Variants in PRKCQ observed in about 807,000 individuals in gnomAD.
The protein encoded by PRKCQ is protein kinase C theta type.
PRKCQ carries 41 observed loss-of-function variants against 91.2 expected under a neutral mutation model. The ratio of observed to expected loss-of-function variants is 0.45; its 90% CI spans 0.35 to 0.58. The LOEUF is 0.58. Among genes scored for constraint, PRKCQ ranks in the 20% least tolerant of loss-of-function variants. PRKCQ has a pLI of 0.00. For synonymous variants in PRKCQ, 307 were observed against 316.9 expected (o/e 0.97, Z 0.33); for missense variants, 673 against 896.5 (o/e 0.75, Z 3.18).
chr10:6,489,638 G>A, intron 8 of PRKCQ: 2 of 375,250 alleles, frequency 5.3e-6, no homozygotes, highest in Non-Finnish European at 1.1e-5. Context: ...AGCGGAGCAG[G>A]CGGGGTGAGC....
chr10:6,445,962 G>A (rs1834265384), intron 15 of PRKCQ, among the ~76,000 whole-genome samples: 1 of 152,214 alleles, frequency 6.6e-6, no homozygotes, highest in Non-Finnish European at 1.5e-5. Context: ...AAATTTGGAA[G>A]GACAGGAGAC....
intron 4 of PRKCQ, 73 bp from the exon 5 acceptor site, chr10:6,498,631 G>T (rs926798347): frequency 2.7e-6 from 4 of 1,498,878 alleles, no homozygotes; most frequent in Non-Finnish European, 3.6e-6. Flanking sequence ...GGGTCAGGAG[G>T]GGAGGGAGAT....
chr10:6,424,450 G>A (rs937246883), downstream of PRKCQ, among the ~76,000 whole-genome samples: 14 of 152,154 alleles, frequency 9.2e-5, no homozygotes, highest in Non-Finnish European at 8.8e-5. Flanking sequence ...TCCGCAGTCC[G>A]ATGACCATGG....
chr10:6,431,311 C>T (rs886995651), intron 16 of PRKCQ, among the ~76,000 whole-genome samples: 3 of 152,218 alleles, frequency 2.0e-5, no homozygotes, highest in South Asian at 2.1e-4. Flanking sequence ...CACACAAACA[C>T]GCACATAGAC....
chr10:6,486,193 T>G, intron 8 of PRKCQ, 49 bp from the exon 9 acceptor site: 4 of 1,477,164 alleles, frequency 2.7e-6, no homozygotes, highest in Non-Finnish European at 3.8e-6. Context: ...AACCCCCTGG[T>G]GCTAAACAAC....
chr10:6,498,231 A>C (rs1305438440), intron 5 of PRKCQ, among the ~76,000 whole-genome samples, 165 bp downstream of exon 5: 1 of 151,550 alleles, frequency 6.6e-6, no homozygotes, highest in African/African-American at 2.4e-5. Flanking sequence ...CTTTTATTGG[A>C]TCACACCATT....
At chr10:6,395,157 G>A in the PRKCQ span, among the ~76,000 whole-genome samples, 1 of 142,512 alleles carries the variant, frequency 7.0e-6, no homozygotes, top group South Asian at 2.2e-4. Context: ...TCCGCCTCCC[G>A]GGTTCACGCC....
intron 14 of PRKCQ, among the ~76,000 whole-genome samples, chr10:6,461,622 T>C (rs1398379165): frequency 1.5e-4 from 23 of 152,202 alleles, no homozygotes; most frequent in Admixed American, 1.4e-3. Flanking sequence ...GGAGAGATCC[T>C]TCCTTGTTAA....
chr10:6,533,443 C>T (rs1431938819), intron 1 of PRKCQ, among the ~76,000 whole-genome samples: 6 of 152,072 alleles, frequency 3.9e-5, no homozygotes. Flanking sequence ...GTGATCCACC[C>T]GCCTCAGCCT....
chr10:6,575,328 C>A (rs1841189243), intron 1 of PRKCQ, among the ~76,000 whole-genome samples: 1 of 152,142 alleles, frequency 6.6e-6, no homozygotes, highest in Non-Finnish European at 1.5e-5. Flanking sequence ...ACTTGTCCTG[C>A]TCTGATAACA....
chr10:6,543,257 G>A (rs536438149), intron 1 of PRKCQ, among the ~76,000 whole-genome samples: 15 of 152,348 alleles, frequency 9.8e-5, no homozygotes, highest in African/African-American at 3.4e-4. Flanking sequence ...GGAAGAAAAA[G>A]TCACACAGGT....
At chr10:6,525,558 A>T (rs1281785584) in intron 1 of PRKCQ, among the ~76,000 whole-genome samples, 2 of 152,230 alleles carry the variant, frequency 1.3e-5, no homozygotes, top group African/African-American at 4.8e-5. Context: ...TCAGTTGTTC[A>T]GGCAACTGCC....
chr10:6,408,012 G>T, the PRKCQ span, among the ~76,000 whole-genome samples: 1 of 131,406 alleles, frequency 7.6e-6, no homozygotes, highest in South Asian at 2.4e-4. Context: ...CAAGTCTTTA[G>T]TCAGTTGTTC....
At chr10:6,563,203 G>C (rs527675545) in intron 1 of PRKCQ, among the ~76,000 whole-genome samples, 1 of 152,068 alleles carries the variant, frequency 6.6e-6, no homozygotes, top group African/African-American at 2.4e-5. Context: ...TAGGATTTCA[G>C]AGCGTAAGTC....
At chr10:6,505,471 C>CCT (rs1554775192) in intron 4 of PRKCQ, among the ~76,000 whole-genome samples, 4 of 146,680 alleles carry the variant, frequency 2.7e-5, no homozygotes, top group African/African-American at 1.0e-4. Flanking sequence ...GACCCTTTTT[C>CCT]TCCTTCCTTC....
chr10:6,472,450 G>T (rs1448359592), intron 12 of PRKCQ, among the ~76,000 whole-genome samples: 1 of 152,298 alleles, frequency 6.6e-6, no homozygotes, highest in Admixed American at 6.5e-5. Context: ...GTATTTGGAC[G>T]AGAAAACTGT....
At chr10:6,559,056 T>C (rs921525325) in intron 1 of PRKCQ, among the ~76,000 whole-genome samples, 5 of 152,170 alleles carry the variant, frequency 3.3e-5, no homozygotes, top group African/African-American at 9.7e-5. Flanking sequence ...TGGGGTTCTT[T>C]CTACTCATTG....
chr10:6,423,582 G>A (rs1222375686), downstream of PRKCQ, among the ~76,000 whole-genome samples: 1 of 152,120 alleles, frequency 6.6e-6, no homozygotes, highest in Non-Finnish European at 1.5e-5. Flanking sequence ...GCACCTTGGG[G>A]ACCCCTCAGT....
intron 1 of PRKCQ, among the ~76,000 whole-genome samples, chr10:6,539,353 C>T (rs74114332): frequency 0.01 from 1,596 of 152,148 alleles, 28 homozygotes; most frequent in African/African-American, 0.037. Flanking sequence ...GCACAGCAGG[C>T]GGTGAGTGAC....
Sources: gnomAD v4.1 joint callset for allele counts (sites outside exome capture counted in the v4.1 genomes callset) on GRCh38, gnomAD v4.1.1 for gene constraint, MANE v1.5 for transcripts, NCBI Gene and HGNC (gene_info 2026-07-23, HGNC 2026-07-21) for gene names.